Variants in USP15 observed in about 807,000 individuals in gnomAD.
The protein encoded by USP15 is ubiquitin carboxyl-terminal hydrolase 15.
In USP15, 18 loss-of-function variants were observed where a neutral mutation model predicts 127.1. The ratio of observed to expected loss-of-function variants is 0.14; its 90% confidence interval spans 0.10 to 0.21. The LOEUF (loss-of-function observed/expected upper bound fraction) is 0.21, where lower values mean the gene tolerates loss of function less well. USP15 is among the 10% of genes least tolerant of loss of function. The pLI is 1.00. For missense variants in USP15, 805 were observed against 1,159.9 expected, an observed-to-expected ratio of 0.69 and a Z score of 4.44; for synonymous variants, 364 against 393.7, an observed-to-expected ratio of 0.92 and a Z score of 0.89.
intron 3 of USP15, chr12:62,314,120 C>A: frequency 5.1e-6 from 3 of 589,064 alleles, no homozygotes; most frequent in Non-Finnish European, 6.4e-6. Context: ...TGCTTAACAG[C>A]TTTCTTTTAA....
chr12:62,352,926 T>G (rs1335932467), intron 7 of USP15, among the ~76,000 whole-genome samples: 2 of 152,104 alleles, frequency 1.3e-5, no homozygotes, highest in East Asian at 3.9e-4. Flanking sequence ...ACTATTACTG[T>G]AAATTTATTT....
At chr12:62,373,387 A>C (rs2066734202) in intron 8 of USP15, among the ~76,000 whole-genome samples, 1 of 151,994 alleles carries the variant, frequency 6.6e-6, no homozygotes, top group South Asian at 2.1e-4. Flanking sequence ...ATAATTCTTC[A>C]TTGAATTCAA....
At chr12:62,336,494 T>G in intron 6 of USP15, 1 of 985,006 alleles carries the variant, frequency 1.0e-6, no homozygotes, top group African/African-American at 1.7e-5. Context: ...ACAGTACCCC[T>G]TTACATTCTT....
At chr12:62,399,803 T>C (rs1245659144) in intron 20 of USP15, among the ~76,000 whole-genome samples, 1 of 152,156 alleles carries the variant, frequency 6.6e-6, no homozygotes, top group Non-Finnish European at 1.5e-5. Context: ...CATTATTTTA[T>C]TGTGATTGGT....
chr12:62,402,996 A>G (rs1030689189), intron 21 of USP15, among the ~76,000 whole-genome samples: 2 of 152,088 alleles, frequency 1.3e-5, no homozygotes, highest in African/African-American at 2.4e-5. Flanking sequence ...TATAATAAGG[A>G]TAATAGATGT....
intron 1 of USP15, among the ~76,000 whole-genome samples, chr12:62,288,952 G>A (rs961113318): frequency 6.6e-6 from 1 of 152,074 alleles, no homozygotes; most frequent in African/African-American, 2.4e-5. Flanking sequence ...CTTGATCATG[G>A]TGTATTATCT....
intron 2 of USP15, among the ~76,000 whole-genome samples, chr12:62,297,260 A>G (rs1472544062): frequency 6.6e-6 from 1 of 152,176 alleles, no homozygotes; most frequent in Non-Finnish European, 1.5e-5. Context: ...GGGAGAAGGC[A>G]TAGAACCTGA....
At chr12:62,287,660 GT>G (rs1297611520) in intron 1 of USP15, among the ~76,000 whole-genome samples, 2 of 152,100 alleles carry the variant, frequency 1.3e-5, no homozygotes, top group Non-Finnish European at 2.9e-5. Flanking sequence ...TGAACAGAGA[GT>G]TTTTCCTAGG....
chr12:62,316,847 A>G (rs1383222598), intron 4 of USP15, among the ~76,000 whole-genome samples: 1 of 152,154 alleles, frequency 6.6e-6, no homozygotes, highest in Non-Finnish European at 1.5e-5. Flanking sequence ...TGTAATTTAT[A>G]AAGGATCACT....
At chr12:62,280,461 G>C (rs1032887754) in intron 1 of USP15, among the ~76,000 whole-genome samples, 3 of 152,156 alleles carry the variant, frequency 2.0e-5, no homozygotes, top group Admixed American at 6.5e-5. Context: ...AGATGACTAG[G>C]TACTGGCAGG....
rs528414335 is a variant in USP15 at position 62,385,797 on chromosome 12, T to A, written c.1473+1495T>A. On this transcript the variant is annotated intron_variant, in intron 11 of 21. Coordinates refer to ENST00000280377, the MANE Select transcript of USP15 (RefSeq NM_001252078.2). ...CAAACCACATCCTTACCTCTCTAGT[T>A]TATAACTTTGCAGATATACACCAAT... Among the ~76,000 whole-genome samples the A allele has an allele frequency of 2.0e-5, 3 of 152,188 alleles. No individual in the cohort carries two copies. In the South Asian group the frequency reaches 6.2e-4, roughly 32 times the overall value.
At chr12:62,319,083 T>G (rs2064913068) in intron 4 of USP15, among the ~76,000 whole-genome samples, 1 of 152,172 alleles carries the variant, frequency 6.6e-6, no homozygotes, top group African/African-American at 2.4e-5. Context: ...TACAGTTCCA[T>G]AGGCCGTACA....
intron 21 of USP15, among the ~76,000 whole-genome samples, chr12:62,401,882 A>G (rs1458142487): frequency 6.8e-6 from 1 of 147,136 alleles, no homozygotes; most frequent in Non-Finnish European, 1.5e-5. Flanking sequence ...GTATATGTAT[A>G]TATACACACA....
At chr12:62,377,171 G>A (rs2066857567) in intron 8 of USP15, among the ~76,000 whole-genome samples, 1 of 152,064 alleles carries the variant, frequency 6.6e-6, no homozygotes, top group African/African-American at 2.4e-5. Flanking sequence ...ATCACTTCAA[G>A]CATTTATCCC....
intron 8 of USP15, among the ~76,000 whole-genome samples, chr12:62,366,682 G>A (rs1021610171): frequency 9.9e-5 from 15 of 152,234 alleles, no homozygotes; most frequent in Admixed American, 3.3e-4. Context: ...TATTGGCTGT[G>A]GGTTTGTCAT....
At position 62,384,222 on chromosome 12, in the gene USP15, A is replaced by T; in HGVS notation, c.1393A>T (p.Thr465Ser). The stretch of plus-strand genomic sequence containing the variant: ...AACATTTGATCCTTTTTGTTACTTG[A>T]CACTTCCATTGCCCATGAAAAAAGA... ...SVTFDPFCYLTLPLPMKKERT... is the reference protein window; with the variant it reads ...SVTFDPFCYLSLPLPMKKERT... Residue 465 changes from threonine (T) to serine (S), a missense_variant, in exon 11 of 22, where the codon ACA becomes TCA. By Grantham distance (58) the Thr-to-Ser change is moderately conservative. This residue lies in a region of USP15 where 84 missense variants were observed against 210.3 expected (regional missense o/e 0.40). Coordinates refer to ENST00000280377, the MANE Select transcript of USP15 (RefSeq NM_001252078.2). 1 of 1,612,786 alleles carries T rather than the reference A, an allele frequency of 6.2e-7. No homozygotes were observed. Among genetic ancestry groups the T allele is most frequent in the Non-Finnish European group, 8.5e-7 (1 of 1,179,234 alleles).
chr12:62,389,707 T>C lies in USP15; in HGVS notation c.1652+8T>C, dbSNP rs2137609429. ...ACGGGATGATATTTATGTGTAAGTA[T>C]AAAACTCATTGTGCAAAATATTACT... On this transcript the variant is annotated splice_region_variant and intron_variant, in intron 13 of 21. Transcript: ENST00000280377. The C allele has an allele frequency of 6.2e-7, 1 of 1,605,796 alleles. No homozygotes were observed. The highest frequency in any genetic ancestry group is 8.5e-7 in the Non-Finnish European group (1 of 1,176,314).
chr12:62,345,444 T>C (rs895584352), intron 6 of USP15, among the ~76,000 whole-genome samples: 4 of 152,180 alleles, frequency 2.6e-5, no homozygotes, highest in Non-Finnish European at 1.5e-5. Flanking sequence ...AGCAAGTCTC[T>C]AGGAAGTTTT....
At chr12:62,390,749 C>T in intron 14 of USP15, 115 bp from the exon 15 acceptor site, 1 of 580,404 alleles carries the variant, frequency 1.7e-6, no homozygotes. Flanking sequence ...TTTGAATCTA[C>T]TAAGTGACCA....
Sources: gnomAD v4.1 joint callset for allele counts (sites outside exome capture counted in the v4.1 genomes callset) on GRCh38, gnomAD v4.1.1 for gene constraint, gnomAD v4.1.1 regional missense constraint, MANE v1.5 for transcripts, NCBI Gene and HGNC (gene_info 2026-07-23, HGNC 2026-07-21) for gene names.